Variants in BICC1 observed in about 807,000 individuals in gnomAD.
BICC1 encodes protein bicaudal C homolog 1.
A neutral mutation model predicts 111.0 loss-of-function variants in BICC1; 43 were observed. The ratio of observed to expected loss-of-function variants is 0.39; its 90% CI spans 0.30 to 0.50. BICC1 has a LOEUF of 0.50. Among genes scored for constraint, BICC1 ranks in the 20% least tolerant of loss-of-function variants. BICC1 has a pLI of 0.88. For synonymous variants in BICC1, 467 were observed against 434.4 expected, an observed-to-expected ratio of 1.07 and a Z score of -0.93; for missense variants, 1,091 against 1,203.2, an observed-to-expected ratio of 0.91 and a Z score of 1.38.
intron 1 of BICC1, among the ~76,000 whole-genome samples, chr10:58,528,876 A>G (rs959792335): frequency 2.6e-5 from 4 of 151,934 alleles, no homozygotes; most frequent in African/African-American, 4.8e-5. Context: ...TAGCTTTGGT[A>G]GGGATTTGCC....
chr10:58,545,591 T>G (rs1843115876), intron 1 of BICC1, among the ~76,000 whole-genome samples: 1 of 152,130 alleles, frequency 6.6e-6, no homozygotes, highest in African/African-American at 2.4e-5. Flanking sequence ...GTTCTCAAAA[T>G]TGCGCACATG....
At chr10:58,532,768 G>T (rs1346178007) in intron 1 of BICC1, among the ~76,000 whole-genome samples, 1 of 151,812 alleles carries the variant, frequency 6.6e-6, no homozygotes, top group Non-Finnish European at 1.5e-5. Flanking sequence ...TCCACTCAAT[G>T]GGTGCCAAAA....
At chr10:58,586,983 C>T (rs1405220798) in intron 1 of BICC1, among the ~76,000 whole-genome samples, 2 of 152,118 alleles carry the variant, frequency 1.3e-5, no homozygotes, top group East Asian at 3.9e-4. Context: ...CTGCTGACAG[C>T]TATGGGTTTT....
chr10:58,733,789 G>A (rs11006240), intron 3 of BICC1, among the ~76,000 whole-genome samples: 5,637 of 152,268 alleles, frequency 0.037, 391 homozygotes, highest in African/African-American at 0.13. Context: ...TCTTGGAAGT[G>A]GTTTTCTTTC....
intron 1 of BICC1, among the ~76,000 whole-genome samples, chr10:58,599,331 C>T (rs10826202): frequency 0.47 from 71,361 of 152,004 alleles, 17,684 homozygotes; most frequent in Admixed American, 0.63. Context: ...TAAATAGGGA[C>T]GAGTTCATTT....
intron 1 of BICC1, among the ~76,000 whole-genome samples, chr10:58,555,561 A>T (rs1843428368): frequency 1.3e-5 from 2 of 152,114 alleles, no homozygotes; most frequent in African/African-American, 4.8e-5. Flanking sequence ...CAATGAGCAG[A>T]TCAGCGTTCT....
At position 58,702,094 on chromosome 10, in the gene BICC1, G is replaced by T. The variant is rs574480961; in HGVS notation, c.258G>T (p.Thr86=). The T allele has an allele frequency of 6.2e-7, 1 of 1,613,084 alleles. No homozygotes were observed. The highest frequency in any genetic ancestry group is 1.3e-5 in the African/African-American group (1 of 74,970). ...TACAGATCATGGAGGAAACAAATAC[G>T]CAGATTGCTTGGCCATCAAAACTGA... ...FFQKIMEETN[T]QIAWPSKLKI... The change falls in exon 3 of 21, where the codon ACG becomes ACT. Residue 86 remains threonine (T), a synonymous_variant. Coordinates refer to ENST00000373886, the MANE Select transcript of BICC1 (RefSeq NM_001080512.3).
intron 2 of BICC1, among the ~76,000 whole-genome samples, chr10:58,651,063 T>A (rs1374653991): frequency 6.6e-6 from 1 of 152,188 alleles, no homozygotes; most frequent in Non-Finnish European, 1.5e-5. Context: ...TTGTAGACGA[T>A]GAGGAATGCC....
chr10:58,738,696 GA>G (rs1841556221), intron 3 of BICC1, among the ~76,000 whole-genome samples: 1 of 144,090 alleles, frequency 6.9e-6, no homozygotes, highest in Non-Finnish European at 1.5e-5. Context: ...CCATTTTCAC[GA>G]TATTGATTCT....
At chr10:58,519,122 GC>G (rs1332210532) in intron 1 of BICC1, among the ~76,000 whole-genome samples, 1 of 152,176 alleles carries the variant, frequency 6.6e-6, no homozygotes, top group East Asian at 1.9e-4. Context: ...GGCATCAGGA[GC>G]CCCGTGTCTT....
At chr10:58,519,154 A>G (rs1451045272) in intron 1 of BICC1, among the ~76,000 whole-genome samples, 4 of 151,938 alleles carry the variant, frequency 2.6e-5, no homozygotes, top group South Asian at 2.1e-4. Context: ...TGCCTCCACC[A>G]TCTTCAGCCT....
chr10:58,692,847 T>C (rs1453965920), intron 2 of BICC1, among the ~76,000 whole-genome samples: 1 of 136,830 alleles, frequency 7.3e-6, no homozygotes, highest in Non-Finnish European at 1.5e-5. Context: ...TTTTTTTTTT[T>C]TGATTTTTTT....
chr10:58,620,957 C>T (rs74152407), intron 2 of BICC1, 56 bp downstream of exon 2: 8 of 1,503,364 alleles, frequency 5.3e-6, no homozygotes, highest in East Asian at 4.6e-5. Flanking sequence ...ATACTTATCT[C>T]AACAGCTACC....
intron 2 of BICC1, among the ~76,000 whole-genome samples, chr10:58,625,862 C>T (rs777619393): frequency 1.1e-4 from 17 of 152,140 alleles, no homozygotes; most frequent in Non-Finnish European, 2.2e-4. Context: ...TAAAGTTACT[C>T]TGGCTTTCTC....
At chr10:58,816,630 G>C (rs1478935652) in intron 18 of BICC1, among the ~76,000 whole-genome samples, 2 of 152,000 alleles carry the variant, frequency 1.3e-5, no homozygotes, top group East Asian at 3.9e-4. Flanking sequence ...TCACCTCTTT[G>C]GGGATCTCTC....
At chr10:58,730,671 TCA>T (rs1415651115) in intron 3 of BICC1, among the ~76,000 whole-genome samples, 1 of 152,056 alleles carries the variant, frequency 6.6e-6, no homozygotes, top group Non-Finnish European at 1.5e-5. Context: ...CTCCCAAGCC[TCA>T]GTCTTTCTTT....
At chr10:58,530,565 C>A (rs1428507760) in intron 1 of BICC1, among the ~76,000 whole-genome samples, 1 of 151,452 alleles carries the variant, frequency 6.6e-6, no homozygotes, top group Non-Finnish European at 1.5e-5. Flanking sequence ...CATTGTTACC[C>A]CAAAGTGGGT....
intron 9 of BICC1, among the ~76,000 whole-genome samples, chr10:58,796,029 T>G (rs1232786317): frequency 1.3e-5 from 2 of 152,126 alleles, no homozygotes; most frequent in Non-Finnish European, 2.9e-5. Context: ...TCCCTTAACT[T>G]CACTGAATAT....
chr10:58,535,294 C>G (rs780951784), intron 1 of BICC1, among the ~76,000 whole-genome samples: 2 of 151,660 alleles, frequency 1.3e-5, no homozygotes, highest in Admixed American at 6.6e-5. Flanking sequence ...ATCAGATTAT[C>G]TAAAGTCAAT....
Sources: gnomAD v4.1 joint callset for allele counts (sites outside exome capture counted in the v4.1 genomes callset) on GRCh38, gnomAD v4.1.1 for gene constraint, MANE v1.5 for transcripts, NCBI Gene and HGNC (gene_info 2026-07-23, HGNC 2026-07-21) for gene names.